The following FAM168A variants were observed in gnomAD, a reference collection of about 807,000 sequenced individuals.
The protein encoded by FAM168A is protein FAM168A.
In FAM168A, 3 loss-of-function variants were observed where a neutral mutation model predicts 28.5. The ratio of observed to expected loss-of-function variants is 0.11; its 90% CI spans 0.05 to 0.27. FAM168A has a LOEUF of 0.27. FAM168A is among the 10% of genes least tolerant of loss of function. The pLI is 1.00. For missense variants in FAM168A, 222 were observed against 311.5 expected, an observed-to-expected ratio of 0.71 and a Z score of 2.16; for synonymous variants, 122 against 124.2, an observed-to-expected ratio of 0.98 and a Z score of 0.12.
intron 2 of FAM168A, among the ~76,000 whole-genome samples, chr11:73,437,122 G>A (rs967745655): frequency 2.0e-4 from 30 of 151,048 alleles, no homozygotes; most frequent in Non-Finnish European, 3.8e-4. Flanking sequence ...TTTCCAAGAC[G>A]GAGTCTTGCT....
chr11:73,429,068 C>T (rs1390813330), intron 3 of FAM168A, among the ~76,000 whole-genome samples: 1 of 152,104 alleles, frequency 6.6e-6, no homozygotes, highest in Non-Finnish European at 1.5e-5. Flanking sequence ...ATGATTCCTA[C>T]TTAGAGATGG....
rs2134472472 is a variant in FAM168A at position 73,405,455 on chromosome 11, G to A, written c.*1308C>T. 1 of 152,240 alleles carries A rather than the reference G, an allele frequency of 6.6e-6. No homozygotes were observed. Among genetic ancestry groups the A allele is most frequent in the South Asian group, 2.1e-4 (1 of 4,818 alleles). 9.4% of individuals were successfully genotyped at this position (152,240 alleles called of 1,614,324 possible). On this transcript the variant is annotated 3_prime_UTR_variant, in exon 8 of 8. Coordinates refer to ENST00000356467, the MANE Select transcript of FAM168A (RefSeq NM_015159.3). Reference sequence around the variant, plus strand: ...TCCCTAGGTAAATTTTTGTAAGCAAGGTGCCCACTAGGTAGGAAGGCTGCA... The same window carrying A: ...TCCCTAGGTAAATTTTTGTAAGCAAAGTGCCCACTAGGTAGGAAGGCTGCA...
rs200955035 is a variant in FAM168A at position 73,535,422 on chromosome 11, T to C, written c.-19+62501A>G. 5.1e-4 allele frequency among the ~76,000 whole-genome samples: 75 copies of C among 148,150 alleles called. 1 individual carries two copies. The East Asian group carries it at 0.014, about 27-fold the overall frequency. ...ATCCAGCTATTTTCTTTCTTTCTTT[T>C]TTTTTTTTTTTTTTGAGACAGAGTC... On this transcript the variant is annotated intron_variant, in intron 1 of 7. Coordinates refer to ENST00000356467, the MANE Select transcript of FAM168A (RefSeq NM_015159.3).
At position 73,594,280 on chromosome 11, in the gene FAM168A, T is replaced by G. The variant is rs982901932; in HGVS notation, c.-19+3643A>C. On this transcript the variant is annotated intron_variant, in intron 1 of 7. Transcript: ENST00000356467. ...ACACCCAGCAAATTTTTTTTTTTTT[T>G]TGTGGAGACGGGTCTCCCTATGTTG... is the stretch of plus-strand genomic sequence containing the variant. Among the ~76,000 whole-genome samples the G allele has an allele frequency of 2.3e-3, 348 of 151,992 alleles. 4 individuals are homozygous for G. Among genetic ancestry groups the G allele is most frequent in the African/African-American group, 6.5e-3 (271 of 41,402 alleles).
intron 3 of FAM168A, among the ~76,000 whole-genome samples, chr11:73,428,132 A>ACCTG (rs1866922452): frequency 6.6e-6 from 1 of 152,056 alleles, no homozygotes; most frequent in African/African-American, 2.4e-5. Context: ...CCCTGTCTCC[A>ACCTG]CCTGCTACTC....
chr11:73,470,179 G>C (rs1245522701), intron 1 of FAM168A, among the ~76,000 whole-genome samples: 1 of 152,094 alleles, frequency 6.6e-6, no homozygotes, highest in African/African-American at 2.4e-5. Flanking sequence ...CAAAGTGCTG[G>C]GATTACAGTC....
intron 1 of FAM168A, among the ~76,000 whole-genome samples, chr11:73,582,149 G>A (rs192351563): frequency 1.3e-5 from 2 of 152,258 alleles, no homozygotes; most frequent in Admixed American, 1.3e-4. Flanking sequence ...CTAAAATAAT[G>A]CATAGATGCA....
rs541613407 is a variant in FAM168A, at chr11:73,477,972, A to G, written c.-18-9480T>C. Among the ~76,000 whole-genome samples the G allele has an allele frequency of 4.2e-5, 6 of 142,988 alleles. No individual in the cohort carries two copies. The South Asian group carries it at 8.6e-4, about 20-fold the overall frequency. 93.8% of individuals were successfully genotyped at this position (142,988 alleles called of 152,430 possible). On this transcript the variant is annotated intron_variant, in intron 1 of 7. Transcript: ENST00000356467. Reference sequence around the variant, plus strand: ...AGATAGATAGATAGATAGATAGATAAAACAAGGTATAAATATTTTTCGTGT... The same window carrying G: ...AGATAGATAGATAGATAGATAGATAGAACAAGGTATAAATATTTTTCGTGT...
chr11:73,506,272 G>C (rs1391104843), intron 1 of FAM168A, among the ~76,000 whole-genome samples: 1 of 152,068 alleles, frequency 6.6e-6, no homozygotes, highest in African/African-American at 2.4e-5. Context: ...TGGATCAAAA[G>C]TGAGGTTCAA....
chr11:73,457,635 G>T (rs1407665017), intron 2 of FAM168A, among the ~76,000 whole-genome samples: 1 of 149,748 alleles, frequency 6.7e-6, no homozygotes, highest in East Asian at 1.9e-4. Flanking sequence ...CAGCACTTTG[G>T]GAGGCCGAAG....
intron 2 of FAM168A, among the ~76,000 whole-genome samples, chr11:73,440,729 T>C (rs73543000): frequency 0.082 from 12,421 of 152,236 alleles, 650 homozygotes; most frequent in Non-Finnish European, 0.11. Context: ...TCTTAGATGA[T>C]ACCAAAAGGG....
Position 73,430,735 on chromosome 11 carries a change from A to T in FAM168A, c.106T>A (p.Tyr36Asn). 1 of 1,613,532 alleles carries T rather than the reference A, an allele frequency of 6.2e-7. No individual in the cohort carries two copies. Among genetic ancestry groups the T allele is most frequent in the Non-Finnish European group, 8.5e-7 (1 of 1,179,654 alleles). Residue 36 changes from tyrosine (Y) to asparagine (N), a missense_variant, in exon 3 of 8, where the codon TAC (tyrosine) becomes AAC (asparagine). By Grantham distance (143) the Tyr-to-Asn change is moderately radical (BLOSUM62 -2). Coordinates refer to ENST00000356467, the MANE Select transcript of FAM168A (RefSeq NM_015159.3). Reference sequence around the variant, plus strand: ...TTGGTGGGGTACAGGCTGGGATTGTAGGCAGGGGCAGCTGCTGGATAGGCT... The same window carrying T: ...TTGGTGGGGTACAGGCTGGGATTGTTGGCAGGGGCAGCTGCTGGATAGGCT... ...PTAYPAAAPA[Y>N]NPSLYPTNSP...
At chr11:73,541,970 ACTTG>A (rs1306166069) in intron 1 of FAM168A, among the ~76,000 whole-genome samples, 1 of 152,284 alleles carries the variant, frequency 6.6e-6, no homozygotes, top group East Asian at 1.9e-4. Flanking sequence ...ACACTAGGAG[ACTTG>A]CTTGGCATTA....
intron 4 of FAM168A, among the ~76,000 whole-genome samples, chr11:73,417,559 C>CTTTT (rs11284405): frequency 7.7e-6 from 1 of 130,014 alleles, no homozygotes; most frequent in Non-Finnish European, 1.6e-5. Context: ...ACCTCTCTCT[C>CTTTT]TTTTTTTTTT....
intron 1 of FAM168A, among the ~76,000 whole-genome samples, chr11:73,558,484 A>G (rs1374863273): frequency 1.3e-5 from 2 of 151,350 alleles, no homozygotes; most frequent in Admixed American, 1.3e-4. Context: ...AAAAAAAAAA[A>G]AAAAAAAAGT....
chr11:73,504,591 A>G (rs1364408037), intron 1 of FAM168A, among the ~76,000 whole-genome samples: 2 of 152,170 alleles, frequency 1.3e-5, no homozygotes, highest in Non-Finnish European at 2.9e-5. Context: ...AGAAGACAGT[A>G]TGGTGATTCT....
At position 73,544,985 on chromosome 11, in the gene FAM168A, TTATATATAGTATATATAATATACTA is replaced by T. The variant is rs1170355665; in HGVS notation, c.-19+52913_-19+52937del. ...TATAATATATATTATATAATATATTTTATATATAGTATATATAATATACTATATATATAGTATATATAATATATAT... is the reference window on the plus strand; with the variant it reads ...TATAATATATATTATATAATATATTTTATATATAGTATATATAATATATAT... On this transcript the variant is annotated intron_variant, in intron 1 of 7. Coordinates refer to ENST00000356467, the MANE Select transcript of FAM168A (RefSeq NM_015159.3). Among the ~76,000 whole-genome samples, 26 of 73,054 alleles carry T rather than the reference TTATATATAGTATATATAATATACTA, an allele frequency of 3.6e-4. 1 individual carries two copies. Among genetic ancestry groups the T allele is most frequent in the Middle Eastern group, 5.2e-3 (1 of 192 alleles). The allele number at this position is 73,054 out of a possible 152,430, so 47.9% of individuals were successfully genotyped here. A position where few individuals can be genotyped will look rare whatever the true frequency, so the allele number is the denominator to read the frequency against.
intron 1 of FAM168A, among the ~76,000 whole-genome samples, chr11:73,580,100 C>G (rs1007596765): frequency 6.6e-6 from 1 of 152,134 alleles, no homozygotes; most frequent in African/African-American, 2.4e-5. Flanking sequence ...AAAACTGATG[C>G]TACAATCTGT....
intron 1 of FAM168A, among the ~76,000 whole-genome samples, chr11:73,576,166 T>C (rs1419840320): frequency 6.6e-6 from 1 of 152,200 alleles, no homozygotes; most frequent in Non-Finnish European, 1.5e-5. Flanking sequence ...CAGAGTTTCT[T>C]CTCCATTCAG....
Sources: gnomAD v4.1 joint callset for allele counts (sites outside exome capture counted in the v4.1 genomes callset) on GRCh38, gnomAD v4.1.1 for gene constraint, MANE v1.5 for transcripts, NCBI Gene and HGNC (gene_info 2026-07-23, HGNC 2026-07-21) for gene names.